DOCK8: variants seen among roughly 807,000 people sequenced by gnomAD.
The protein encoded by DOCK8 is dedicator of cytokinesis protein 8.
In DOCK8, 141 loss-of-function variants were observed where a neutral mutation model predicts 245.6. The observed-to-expected ratio is 0.57, with a 90% CI of 0.50 to 0.66. DOCK8 has a LOEUF of 0.66. Ranked by LOEUF, DOCK8 falls within the 30% of genes least tolerant of loss-of-function variation. The pLI, the probability that DOCK8 is intolerant of heterozygous loss-of-function variation, is 0.00. For missense variants in DOCK8, 2,965 were observed against 2,603.4 expected, an observed-to-expected ratio of 1.14 and a Z score of -3.02; for synonymous variants, 1,168 against 970.2, an observed-to-expected ratio of 1.20 and a Z score of -3.79.
At chr9:215,274 C>T in intron 1 of DOCK8, 1 of 1,607,426 alleles carries the variant, frequency 6.2e-7, no homozygotes, top group African/African-American at 1.3e-5. Context: ...TCCTCAGCCG[C>T]CGGGGATCCC....
At chr9:220,472 T>C (rs2046856027) in intron 1 of DOCK8, among the ~76,000 whole-genome samples, 2 of 152,034 alleles carry the variant, frequency 1.3e-5, no homozygotes, top group Non-Finnish European at 2.9e-5. Flanking sequence ...CCATCTCAAC[T>C]CCCCATAAAG....
At chr9:284,623 C>G (rs479090) in intron 2 of DOCK8, 133,324 of 152,238 alleles carry the variant, frequency 0.88, 58,392 homozygotes, top group Admixed American at 0.9. Flanking sequence ...AATCATTCTA[C>G]CATAAAGACA....
At chr9:440,024 CTTTTCTTTTTTT>C (rs536421417) in intron 40 of DOCK8, among the ~76,000 whole-genome samples, 115 of 152,178 alleles carry the variant, frequency 7.6e-4, no homozygotes, top group African/African-American at 2.7e-3. Flanking sequence ...TGTCTATTTT[CTTTTCTTTTTTT>C]GAGACAGAGT....
chr9:263,542 G>A (rs600994), intron 1 of DOCK8, among the ~76,000 whole-genome samples: 80,197 of 151,912 alleles, frequency 0.53, 21,464 homozygotes, highest in East Asian at 0.79. Flanking sequence ...TACCCTTTTG[G>A]TGTATTTCAA....
chr9:340,226 G>T lies in DOCK8; in HGVS notation c.1584G>T (p.Leu528=), dbSNP rs2051515620. The T allele has an allele frequency of 4.3e-6, 7 of 1,613,960 alleles. No individual in the cohort carries two copies. The highest frequency in any genetic ancestry group is 4.2e-6 in the Non-Finnish European group (5 of 1,180,022). ...ATTGCTGTCTGACTCCTGAAATGCT[G>T]CCCGTGAAACCCTTTCCTGAAAACC... ...IINCCLTPEM[L]PVKPFPENRT... The change falls in exon 14 of 48, where the codon CTG becomes CTT. Residue 528 remains leucine, a synonymous_variant. Transcript: ENST00000432829.
chr9:386,444 G>A lies in DOCK8; in HGVS notation c.2874+18G>A. On this transcript the variant is annotated intron_variant, in intron 23 of 47. Transcript: ENST00000432829. The stretch of plus-strand genomic sequence containing the variant: ...GCAAAAAGGTACTGAAGAGAGCAAT[G>A]TGAGGTTCATCCCAGGATAAGAACA... 1 of 1,606,068 alleles carries A rather than the reference G, an allele frequency of 6.2e-7. No homozygotes were observed. The highest frequency in any genetic ancestry group is 8.5e-7 in the Non-Finnish European group (1 of 1,173,174).
At chr9:305,334 C>A (rs7868800) in intron 5 of DOCK8, among the ~76,000 whole-genome samples, 31 of 151,376 alleles carry the variant, frequency 2.0e-4, no homozygotes, top group Middle Eastern at 6.8e-3. Flanking sequence ...CCAGGCTGGA[C>A]TGCAGTGGCA....
intron 5 of DOCK8, among the ~76,000 whole-genome samples, chr9:308,798 C>T (rs1013363978): frequency 2.0e-5 from 3 of 152,164 alleles, no homozygotes; most frequent in Non-Finnish European, 2.9e-5. Flanking sequence ...GCTGGGACTA[C>T]AGGCATGTGC....
intron 42 of DOCK8, among the ~76,000 whole-genome samples, chr9:442,993 C>G (rs547431618): frequency 1.3e-5 from 2 of 152,310 alleles, no homozygotes; most frequent in South Asian, 4.1e-4. Flanking sequence ...AGAAAAAGAG[C>G]TAGCAATTGA....
intron 27 of DOCK8, among the ~76,000 whole-genome samples, chr9:405,752 G>T (rs566132147): frequency 6.6e-6 from 1 of 152,108 alleles, no homozygotes; most frequent in Non-Finnish European, 1.5e-5. Flanking sequence ...TAGTACAAAA[G>T]TGAAGGCTTG....
intron 8 of DOCK8, among the ~76,000 whole-genome samples, chr9:327,360 G>C (rs965002550): frequency 1.3e-5 from 2 of 148,246 alleles, no homozygotes; most frequent in Non-Finnish European, 3.0e-5. Context: ...TGCTTTTACT[G>C]TAGTTAGTTA....
chr9:447,156 T>A (rs1367607586), intron 44 of DOCK8, among the ~76,000 whole-genome samples: 2 of 152,164 alleles, frequency 1.3e-5, no homozygotes, highest in African/African-American at 2.4e-5. Flanking sequence ...ATCTATGCAT[T>A]AGCAGGAAAG....
chr9:335,033 G>A (rs747375292), intron 11 of DOCK8, among the ~76,000 whole-genome samples: 14 of 152,028 alleles, frequency 9.2e-5, no homozygotes, highest in Non-Finnish European at 1.8e-4. Context: ...AGTGAGCCGA[G>A]ATCAGGCCTC....
chr9:280,372 A>C (rs1361508853), intron 2 of DOCK8, among the ~76,000 whole-genome samples: 1 of 152,186 alleles, frequency 6.6e-6, no homozygotes, highest in Non-Finnish European at 1.5e-5. Context: ...TGAATGAATG[A>C]AAGGAGGCGT....
chr9:399,998 CCACCACCTCCACCAT>C (rs1564011313), intron 26 of DOCK8, among the ~76,000 whole-genome samples: 6 of 92,112 alleles, frequency 6.5e-5, no homozygotes, highest in African/African-American at 2.8e-4. Context: ...CCCACCACCT[CCACCACCTCCACCAT>C]CACCACCACC....
At chr9:253,504 C>G (rs1259933122) in intron 1 of DOCK8, among the ~76,000 whole-genome samples, 5 of 152,190 alleles carry the variant, frequency 3.3e-5, no homozygotes, top group Non-Finnish European at 7.3e-5. Context: ...CTTAAGCAGT[C>G]CCTTAACTTC....
At chr9:320,009 G>C (rs1025683750) in intron 7 of DOCK8, among the ~76,000 whole-genome samples, 1 of 152,218 alleles carries the variant, frequency 6.6e-6, no homozygotes, top group Non-Finnish European at 1.5e-5. Flanking sequence ...TGGTTGAGTA[G>C]GTCTCAGGTG....
chr9:214,110 G>T (rs1021996109), upstream of DOCK8: 6 of 239,818 alleles, frequency 2.5e-5, no homozygotes, highest in South Asian at 2.9e-4. Flanking sequence ...GGTTAGAGCA[G>T]CACGCCGGCA....
chr9:416,238 G>A (rs1337167081), intron 29 of DOCK8, among the ~76,000 whole-genome samples: 3 of 152,178 alleles, frequency 2.0e-5, no homozygotes, highest in South Asian at 2.1e-4. Flanking sequence ...CTGATTGCGC[G>A]GAATTGAAAA....
Sources: gnomAD v4.1 joint callset for allele counts (sites outside exome capture counted in the v4.1 genomes callset) on GRCh38, gnomAD v4.1.1 for gene constraint, MANE v1.5 for transcripts, NCBI Gene and HGNC (gene_info 2026-07-23, HGNC 2026-07-21) for gene names.